Variants in FGFR4 observed in about 807,000 individuals in gnomAD.
The protein encoded by FGFR4 is fibroblast growth factor receptor 4.
A neutral mutation model predicts 89.9 loss-of-function variants in FGFR4; 63 were observed. The ratio of observed to expected loss-of-function variants is 0.70; its 90% CI spans 0.57 to 0.86. The LOEUF is 0.86. FGFR4 is among the 40% of genes least tolerant of loss of function. The pLI is 0.00. For missense variants in FGFR4, 928 were observed against 1,106.7 expected (o/e 0.84, Z 2.29); for synonymous variants, 486 against 479.4 (o/e 1.01, Z -0.18).
Position 177,092,744 on chromosome 5 carries a change from C to G in FGFR4, c.1017C>G (p.Ile339Met). ...GEYTCLAGNS[I>M]GLSYQSAWLT... ...ACACCTGCCTCGCAGGCAATTCCAT[C>G]GGCCTCTCCTACCAGTCTGCCTGGC... is the stretch of plus-strand genomic sequence containing the variant. The change falls in exon 8 of 18, where the codon ATC becomes ATG. Residue 339 changes from isoleucine to methionine, a missense_variant. Around this residue, in one of 5 missense-constraint regions of FGFR4, gnomAD observed 741 missense variants for 836.9 expected, o/e 0.89. Transcript: ENST00000292408. 6.2e-7 allele frequency: 1 copy of G among 1,614,246 alleles called. No individual in the cohort carries two copies. Among genetic ancestry groups the G allele is most frequent in the Non-Finnish European group, 8.5e-7 (1 of 1,180,046 alleles).
Position 177,096,071 on chromosome 5 carries a change from C to T in FGFR4, c.1836C>T (p.Asp612=), listed in dbSNP as rs1276861592. 3 of 1,613,966 alleles carry T rather than the reference C, an allele frequency of 1.9e-6. No individual in the cohort carries two copies. Among genetic ancestry groups the T allele is most frequent in the Non-Finnish European group, 2.5e-6 (3 of 1,179,968 alleles). Residue 612 remains aspartate, a synonymous_variant, in exon 14 of 18, where the codon GAC becomes GAT. Coordinates refer to ENST00000292408, the MANE Select transcript of FGFR4 (RefSeq NM_213647.3). ...GCTCCCTGCAGTGTATCCACCGGGA[C>T]CTGGCTGCCCGCAATGTGCTGGTGA... The part of the protein sequence containing the change: ...YLESRKCIHR[D]LAARNVLVTE...
intron 2 of FGFR4, 185 bp downstream of exon 2, chr5:177,089,878 T>C (rs1784287992): frequency 4.8e-6 from 4 of 827,490 alleles, no homozygotes; most frequent in Non-Finnish European, 8.0e-6. Flanking sequence ...TCTATCACTG[T>C]GTCTGCGAGA....
At position 177,087,726 on chromosome 5, in the gene FGFR4, G is replaced by A. The variant is rs1784202152; in HGVS notation, c.-54+649G>A. 2 of 842,524 alleles carry A rather than the reference G, an allele frequency of 2.4e-6. No homozygotes were observed. Among genetic ancestry groups the A allele is most frequent in the Non-Finnish European group, 1.4e-6 (1 of 699,358 alleles). The allele number at this position is 842,524 out of a possible 1,614,324, so 52.2% of individuals were successfully genotyped here. On this transcript the variant is annotated intron_variant, in intron 1 of 17. Coordinates refer to ENST00000292408, the MANE Select transcript of FGFR4 (RefSeq NM_213647.3). The surrounding 1 kb of genome is among the most constrained non-coding windows in gnomAD (Gnocchi z 6.1). ...CCTCCCTGCCAAGCCGAGCTTGGTAGGGAGTTTTACCAAGGAGGATCCGAC... is the reference window on the plus strand; with the variant it reads ...CCTCCCTGCCAAGCCGAGCTTGGTAAGGAGTTTTACCAAGGAGGATCCGAC...
rs1402601302 is a variant in FGFR4, at chr5:177,089,565, G to A, written c.-38G>A. On this transcript the variant is annotated 5_prime_UTR_variant, in exon 2 of 18. Transcript: ENST00000292408. Reference sequence around the variant, plus strand: ...CCTATTTTAGGAAGGCAGTTGGTGGGAAGTCCAGCTTGGGTCCCTGAGAGC... The same window carrying A: ...CCTATTTTAGGAAGGCAGTTGGTGGAAAGTCCAGCTTGGGTCCCTGAGAGC... 1 of 1,593,478 alleles carries A rather than the reference G, an allele frequency of 6.3e-7. No individual in the cohort carries two copies.
rs574184842 is a variant in FGFR4 at position 177,088,605 on chromosome 5, C to A, written c.-53-945C>A. On this transcript the variant is annotated intron_variant, in intron 1 of 17. Coordinates refer to ENST00000292408, the MANE Select transcript of FGFR4 (RefSeq NM_213647.3). ...TGCAGTGGTCACCGATTCCTTTGTC[C>A]CAGCTGAGACTCAGTTCTGAGTGTT... The A allele has an allele frequency of 3.4e-5, 6 of 175,460 alleles. No individual in the cohort carries two copies. The South Asian group carries it at 1.2e-3, about 35-fold the overall frequency. The allele number at this position is 175,460 out of a possible 1,614,324, so 10.9% of individuals were successfully genotyped here. A position where few individuals can be genotyped will look rare whatever the true frequency, so the allele number is the denominator to read the frequency against.
rs1410161196 is a variant in FGFR4 at position 177,087,629 on chromosome 5, G to A, written c.-54+552G>A. On this transcript the variant is annotated intron_variant, in intron 1 of 17. Transcript: ENST00000292408. The surrounding 1 kb of genome is among the most constrained non-coding windows in gnomAD (Gnocchi z 6.1). ...GACTAAGGACTCTGATATCAGGGCA[G>A]CCTGGGGTAGGAATAAACTCCCCGG... The A allele has an allele frequency of 2.0e-6, 2 of 985,262 alleles. No homozygotes were observed. The highest frequency in any genetic ancestry group is 3.5e-5 in the African/African-American group (2 of 57,226). 61.0% of individuals were successfully genotyped at this position (985,262 alleles called of 1,614,324 possible). A position where few individuals can be genotyped will look rare whatever the true frequency, so the allele number is the denominator to read the frequency against.
intron 11 of FGFR4, among the ~76,000 whole-genome samples, chr5:177,094,341 G>C (rs749790965): frequency 1.3e-5 from 2 of 152,194 alleles, no homozygotes; most frequent in Non-Finnish European, 2.9e-5. Context: ...CTGGCTCATA[G>C]TCAGGGCTCA....
chr5:177,092,752 C>T lies in FGFR4; in HGVS notation c.1025C>T (p.Ser342Phe). ...TCLAGNSIGL[S>F]YQSAWLTVLP... ...CTCGCAGGCAATTCCATCGGCCTCT[C>T]CTACCAGTCTGCCTGGCTCACGGTG... Residue 342 changes from serine to phenylalanine, a missense_variant, in exon 8 of 18, where the codon TCC (serine) becomes TTC (phenylalanine). Physicochemically the swap from Ser to Phe is radical, Grantham distance 155. Coordinates refer to ENST00000292408, the MANE Select transcript of FGFR4 (RefSeq NM_213647.3). 6.2e-7 allele frequency: 1 copy of T among 1,614,250 alleles called. No homozygotes were observed. The highest frequency in any genetic ancestry group is 8.5e-7 in the Non-Finnish European group (1 of 1,180,050).
At chr5:177,092,094 G>A (rs938838394) in intron 6 of FGFR4, among the ~76,000 whole-genome samples, 8 of 152,354 alleles carry the variant, frequency 5.3e-5, no homozygotes, top group African/African-American at 1.4e-4. Context: ...AGGGCGTGGC[G>A]TTTATATGGG....
In FGFR4 at chr5:177,095,150, A is replaced by T; in HGVS notation, c.1520-180A>T. ...GGTGTGACCCACTGCTCTGTTTCCC[A>T]CAAGACGAACCTGAGGTTCAGAGAC... On this transcript the variant is annotated intron_variant, in intron 11 of 17. Coordinates refer to ENST00000292408, the MANE Select transcript of FGFR4 (RefSeq NM_213647.3). The surrounding 1 kb of genome is among the most constrained non-coding windows in gnomAD (Gnocchi z 5.7). 1 of 613,388 alleles carries T rather than the reference A, an allele frequency of 1.6e-6. No homozygotes were observed. The highest frequency in any genetic ancestry group is 1.8e-5 in the South Asian group (1 of 54,100). The allele number at this position is 613,388 out of a possible 1,614,324, so 38.0% of individuals were successfully genotyped here. A position where few individuals can be genotyped will look rare whatever the true frequency, so the allele number is the denominator to read the frequency against.
At chr5:177,096,532 G>T (rs961847551) in intron 15 of FGFR4, 72 bp from the exon 16 acceptor site, 1 of 1,585,910 alleles carries the variant, frequency 6.3e-7, no homozygotes. Flanking sequence ...GGTCATGTCT[G>T]TGGGGTCCCC....
rs1784370801 is a variant in FGFR4, at chr5:177,091,668, ACT to A, written c.604-10_604-9del. 1.9e-6 allele frequency: 3 copies of A among 1,612,728 alleles called. No individual in the cohort carries two copies. Among genetic ancestry groups the A allele is most frequent in the Non-Finnish European group, 1.7e-6 (2 of 1,179,578 alleles). On this transcript the variant is annotated splice_polypyrimidine_tract_variant and intron_variant, in intron 5 of 17. Coordinates refer to ENST00000292408, the MANE Select transcript of FGFR4 (RefSeq NM_213647.3). ...TGGACATGGTCCGGTGGTCCCGGAC[ACT>A]CTCTCTGCCTGCAGCTGCGCCATCA...
chr5:177,091,903 A>C (rs1784381199), intron 6 of FGFR4, 95 bp downstream of exon 6: 1 of 1,521,312 alleles, frequency 6.6e-7, no homozygotes, highest in African/African-American at 1.4e-5. Context: ...GGATGGACTC[A>C]GATGAGTCAG....
intron 14 of FGFR4, 32 bp downstream of exon 14, chr5:177,096,211 TG>T (rs2149738667): frequency 6.2e-7 from 1 of 1,612,218 alleles, no homozygotes; most frequent in South Asian, 1.1e-5. Flanking sequence ...TGGATGGGGG[TG>T]GAGGGGCACT....
rs2149734953 is a variant in FGFR4 at position 177,093,142 on chromosome 5, G to A, written c.1062G>A (p.Glu354=). 6.2e-7 allele frequency: 1 copy of A among 1,614,110 alleles called. No homozygotes were observed. The part of the protein sequence containing the change: ...QSAWLTVLPE[E]DPTWTAAAPE... ...TGTGTCCATGTGCGAGGGCAGAGGA[G>A]GACCCCACATGGACCGCAGCAGCGC... The change falls in exon 9 of 18, where the codon GAG becomes GAA. Residue 354 remains glutamate, a synonymous_variant. Transcript: ENST00000292408. The surrounding 1 kb of genome is among the most constrained non-coding windows in gnomAD (Gnocchi z 5.8).
rs765844308 is a variant in FGFR4 at position 177,090,992 on chromosome 5, C to T, written c.491C>T (p.Ala164Val). Residue 164 changes from alanine (A) to valine (V), a missense_variant, in exon 5 of 18, where the codon GCG becomes GTG. Coordinates refer to ENST00000292408, the MANE Select transcript of FGFR4 (RefSeq NM_213647.3). ...GAGAAGAAACTGCATGCAGTACCTG[C>T]GGGGAACACCGTCAAGTTCCGCTGT... The part of the protein sequence containing the change: ...RMEKKLHAVP[A>V]GNTVKFRCPA... The T allele has an allele frequency of 3.1e-6, 5 of 1,613,858 alleles. No homozygotes were observed. The highest frequency in any genetic ancestry group is 2.2e-5 in the South Asian group (2 of 91,082).
Position 177,090,330 on chromosome 5 carries a change from C to T in FGFR4, c.92-60C>T, listed in dbSNP as rs375659620. 2.2e-4 allele frequency: 344 copies of T among 1,598,494 alleles called. No individual in the cohort carries two copies. In the African/African-American group the frequency reaches 4.2e-3, roughly 19 times the overall value. On this transcript the variant is annotated intron_variant, in intron 2 of 17. Coordinates refer to ENST00000292408, the MANE Select transcript of FGFR4 (RefSeq NM_213647.3). ...CTGCATGTGCGGTGTGTTCTTTGTA[C>T]ACAGGAGGCTGCCTCAGATGGGGCT...
rs2149728096 is a variant in FGFR4, at chr5:177,087,653, G to A, written c.-54+576G>A. On this transcript the variant is annotated intron_variant, in intron 1 of 17. Coordinates refer to ENST00000292408, the MANE Select transcript of FGFR4 (RefSeq NM_213647.3). This position sits in a 1 kb window ranked among gnomAD's most constrained non-coding sequence, Gnocchi z 6.1. ...AGCCTGGGGTAGGAATAAACTCCCCGGGCCTCCCCACCCACTCCCAGCCCA... is the reference window on the plus strand; with the variant it reads ...AGCCTGGGGTAGGAATAAACTCCCCAGGCCTCCCCACCCACTCCCAGCCCA... 1.0e-6 allele frequency: 1 copy of A among 985,038 alleles called. No homozygotes were observed. Among genetic ancestry groups the A allele is most frequent in the Non-Finnish European group, 1.2e-6 (1 of 829,622 alleles). The allele number at this position is 985,038 out of a possible 1,614,324, so 61.0% of individuals were successfully genotyped here.
chr5:177,096,271 CCT>C lies in FGFR4; in HGVS notation c.1945-10_1945-9del, dbSNP rs1554164289. On this transcript the variant is annotated splice_polypyrimidine_tract_variant and intron_variant, in intron 14 of 17. Coordinates refer to ENST00000292408, the MANE Select transcript of FGFR4 (RefSeq NM_213647.3). ...GACCTGTGGGACTCTGCACTGAGGC[CCT>C]CTCTCCCCTCCAGGGCCGCCTGCCT... 2.4e-5 allele frequency: 39 copies of C among 1,614,032 alleles called. No homozygotes were observed. Among genetic ancestry groups the C allele is most frequent in the Non-Finnish European group, 3.1e-5 (36 of 1,179,972 alleles).
Sources: gnomAD v4.1 joint callset for allele counts (sites outside exome capture counted in the v4.1 genomes callset) on GRCh38, gnomAD v4.1.1 for gene constraint, gnomAD v4.1.1 regional missense constraint, Gnocchi (gnomAD v3.1) non-coding constraint, MANE v1.5 for transcripts, NCBI Gene and HGNC (gene_info 2026-07-23, HGNC 2026-07-21) for gene names.